Variants in RPH3A observed in about 807,000 individuals in gnomAD.
RPH3A encodes the protein rabphilin-3A.
A neutral mutation model predicts 102.2 loss-of-function variants in RPH3A; 48 were observed. That is an observed-to-expected ratio of 0.47 (90% CI 0.37 to 0.60). RPH3A has a LOEUF of 0.60. RPH3A is among the 20% of genes least tolerant of loss of function. The pLI, the probability that RPH3A is intolerant of heterozygous loss-of-function variation, is 0.00. For synonymous variants in RPH3A, 310 were observed against 324.3 expected, an observed-to-expected ratio of 0.96 and a Z score of 0.47; for missense variants, 781 against 910.1, an observed-to-expected ratio of 0.86 and a Z score of 1.83.
At chr12:112,666,709 G>C (rs2040085643) in intron 1 of RPH3A, among the ~76,000 whole-genome samples, 1 of 152,112 alleles carries the variant, frequency 6.6e-6, no homozygotes, top group African/African-American at 2.4e-5. Flanking sequence ...TGTGAAGTAG[G>C]TTCTTAGAGG....
chr12:112,713,726 T>G (rs529504926), intron 1 of RPH3A, among the ~76,000 whole-genome samples: 175 of 152,292 alleles, frequency 1.1e-3, no homozygotes, highest in African/African-American at 3.8e-3. Flanking sequence ...TATTTGTTCC[T>G]TGAATAAATT....
At chr12:112,865,054 G>C (rs1490062377) in intron 5 of RPH3A, among the ~76,000 whole-genome samples, 1 of 152,190 alleles carries the variant, frequency 6.6e-6, no homozygotes. Context: ...AGATGCCTAT[G>C]AAGACATCCA....
chr12:112,874,572 G>A (rs184386791), intron 10 of RPH3A, among the ~76,000 whole-genome samples: 267 of 152,312 alleles, frequency 1.8e-3, no homozygotes, highest in African/African-American at 5.4e-3. Context: ...ATCCAGCCCA[G>A]GGTCACACAG....
intron 1 of RPH3A, among the ~76,000 whole-genome samples, chr12:112,763,966 G>A (rs982938370): frequency 1.3e-5 from 2 of 152,196 alleles, no homozygotes; most frequent in African/African-American, 4.8e-5. Context: ...CATGGGGGAG[G>A]ACAACCCTTT....
At chr12:112,601,496 C>T (rs1185450218) in intron 1 of RPH3A, among the ~76,000 whole-genome samples, 1 of 152,140 alleles carries the variant, frequency 6.6e-6, no homozygotes, top group Non-Finnish European at 1.5e-5. Flanking sequence ...CTCTGTGAAT[C>T]AGCGTGGGTG....
chr12:112,609,676 C>T, intron 1 of RPH3A, among the ~76,000 whole-genome samples: 1 of 152,132 alleles, frequency 6.6e-6, no homozygotes, highest in East Asian at 1.9e-4. Context: ...ATTGCTGCAT[C>T]CCCAGTGCCT....
At chr12:112,608,106 C>G (rs1295794086) in intron 1 of RPH3A, among the ~76,000 whole-genome samples, 1 of 151,862 alleles carries the variant, frequency 6.6e-6, no homozygotes, top group Non-Finnish European at 1.5e-5. Flanking sequence ...CCCTCCTCCT[C>G]CTCTTTCTTT....
chr12:112,827,518 A>G (rs905588890), intron 2 of RPH3A, among the ~76,000 whole-genome samples: 1 of 152,246 alleles, frequency 6.6e-6, no homozygotes, highest in Non-Finnish European at 1.5e-5. Flanking sequence ...GGACAAGGGT[A>G]GATGGAGAAA....
intron 5 of RPH3A, among the ~76,000 whole-genome samples, chr12:112,860,752 G>A (rs1300068793): frequency 6.6e-6 from 1 of 152,136 alleles, no homozygotes; most frequent in African/African-American, 2.4e-5. Flanking sequence ...CCAGGCAAGC[G>A]GCCCACTCTC....
intron 17 of RPH3A, among the ~76,000 whole-genome samples, chr12:112,889,449 A>G (rs2043055975): frequency 6.6e-6 from 1 of 152,244 alleles, no homozygotes; most frequent in African/African-American, 2.4e-5. Flanking sequence ...GCTCTTTGCC[A>G]TTAAACCTTA....
chr12:112,575,515 C>T (rs1034211867), intron 1 of RPH3A, among the ~76,000 whole-genome samples: 1 of 151,856 alleles, frequency 6.6e-6, no homozygotes, highest in Non-Finnish European at 1.5e-5. Flanking sequence ...CGGGGAGACC[C>T]GCGCAGGACC....
chr12:112,811,866 A>G (rs2041582346), intron 2 of RPH3A, among the ~76,000 whole-genome samples: 1 of 152,134 alleles, frequency 6.6e-6, no homozygotes, highest in African/African-American at 2.4e-5. Context: ...TTGCTAATGT[A>G]ATTGAAGGGT....
intron 5 of RPH3A, among the ~76,000 whole-genome samples, chr12:112,848,124 A>G (rs1244550653): frequency 6.6e-6 from 1 of 151,938 alleles, no homozygotes; most frequent in Non-Finnish European, 1.5e-5. Context: ...AAGAAGGGGC[A>G]GGGGGAGGGG....
At chr12:112,835,872 T>TC (rs5800970) in intron 3 of RPH3A, among the ~76,000 whole-genome samples, 109,571 of 152,028 alleles carry the variant, frequency 0.72, 39,616 homozygotes, top group Admixed American at 0.77. Context: ...ATGGTTCAGT[T>TC]TTCATGTTAA....
In RPH3A at chr12:112,765,048, T is replaced by G. The variant is rs571502108; in HGVS notation, c.-139-27095T>G. ...ACTTTGTTTTGCTTGTAAAGAAATT[T>G]TTCAGCTGCTGGTGTGAGAGAGGAA... On this transcript the variant is annotated intron_variant, in intron 1 of 21. Coordinates refer to the RPH3A transcript ENST00000543106. Among the ~76,000 whole-genome samples, 11 of 152,302 alleles carry G rather than the reference T, an allele frequency of 7.2e-5. No individual in the cohort carries two copies. The East Asian group carries it at 1.7e-3, about 24-fold the overall frequency.
chr12:112,878,375 C>T (rs183442353), intron 13 of RPH3A, among the ~76,000 whole-genome samples: 83 of 152,276 alleles, frequency 5.5e-4, no homozygotes, highest in Non-Finnish European at 9.9e-4. Flanking sequence ...AAACCTGTCT[C>T]CATACTCTAT....
intron 1 of RPH3A, among the ~76,000 whole-genome samples, chr12:112,671,878 C>G (rs2040133651): frequency 6.6e-6 from 1 of 151,818 alleles, no homozygotes; most frequent in South Asian, 2.1e-4. Flanking sequence ...TCTACACACA[C>G]ACACACACAC....
chr12:112,776,363 T>C (rs1015162319), intron 1 of RPH3A, among the ~76,000 whole-genome samples: 1 of 152,174 alleles, frequency 6.6e-6, no homozygotes, highest in African/African-American at 2.4e-5. Flanking sequence ...AGTCTATAGG[T>C]TGGCTGGGCA....
chr12:112,883,612 A>G (rs2042960828), intron 16 of RPH3A, among the ~76,000 whole-genome samples: 2 of 152,088 alleles, frequency 1.3e-5, no homozygotes, highest in Admixed American at 1.3e-4. Flanking sequence ...GTTTACTGTT[A>G]ACATCTTGGT....
Sources: gnomAD v4.1 joint callset for allele counts (sites outside exome capture counted in the v4.1 genomes callset) on GRCh38, gnomAD v4.1.1 for gene constraint, MANE v1.5 for transcripts, NCBI Gene and HGNC (gene_info 2026-07-23, HGNC 2026-07-21) for gene names.